The following METTL25 variants were observed in gnomAD, a reference collection of about 807,000 sequenced individuals.
METTL25 encodes the protein methyltransferase like 25.
In METTL25, 64 loss-of-function variants were observed where a neutral mutation model predicts 71.6. The ratio of observed to expected loss-of-function variants is 0.89; its 90% CI spans 0.73 to 1.10. METTL25 has a LOEUF of 1.10. Among genes scored for constraint, METTL25 ranks in the 50% least tolerant of loss-of-function variants. METTL25 has a pLI of 0.00. For synonymous variants in METTL25, 287 were observed against 250.3 expected, an observed-to-expected ratio of 1.15 and a Z score of -1.38; for missense variants, 807 against 707.0, an observed-to-expected ratio of 1.14 and a Z score of -1.60.
chr12:82,388,446 C>T lies in METTL25; in HGVS notation c.425-1370C>T, dbSNP rs1193774919. On this transcript the variant is annotated intron_variant, in intron 2 of 11. Coordinates refer to ENST00000248306, the MANE Select transcript of METTL25 (RefSeq NM_032230.3). ...TAGCTGCAAATGGGTTCACTAGCAA[C>T]GTTACTATGGGGGCTGTAGTCGACT... Among the ~76,000 whole-genome samples, 5 of 152,080 alleles carry T rather than the reference C, an allele frequency of 3.3e-5. No individual in the cohort carries two copies. In the East Asian group the frequency reaches 5.8e-4, roughly 18 times the overall value.
intron 1 of METTL25, among the ~76,000 whole-genome samples, chr12:82,376,887 G>A (rs544187473): frequency 6.6e-5 from 10 of 152,170 alleles, no homozygotes; most frequent in South Asian, 2.1e-4. Flanking sequence ...AGGCCAAGGC[G>A]GGCAGATCAC....
chr12:82,479,050 G>A lies in METTL25; in HGVS notation c.*26G>A. 1 of 1,592,752 alleles carries A rather than the reference G, an allele frequency of 6.3e-7. No homozygotes were observed. Among genetic ancestry groups the A allele is most frequent in the Non-Finnish European group, 8.6e-7 (1 of 1,161,656 alleles). Reference sequence around the variant, plus strand: ...TTTCCATTGAAGCAAATTATTAGATGTATTTCTCTATGAGACCTGTTGCTG... The same window carrying A: ...TTTCCATTGAAGCAAATTATTAGATATATTTCTCTATGAGACCTGTTGCTG... On this transcript the variant is annotated 3_prime_UTR_variant, in exon 12 of 12. Coordinates refer to ENST00000248306, the MANE Select transcript of METTL25 (RefSeq NM_032230.3).
chr12:82,467,095 A>G (rs1344049588), intron 9 of METTL25, among the ~76,000 whole-genome samples: 1 of 151,746 alleles, frequency 6.6e-6, no homozygotes, highest in Non-Finnish European at 1.5e-5. Flanking sequence ...CAGGTGAGGT[A>G]AGTTTCCTAC....
At chr12:82,359,233 T>C (rs1881445085) in intron 1 of METTL25, among the ~76,000 whole-genome samples, 1 of 151,804 alleles carries the variant, frequency 6.6e-6, no homozygotes, top group Non-Finnish European at 1.5e-5. Flanking sequence ...ATAAAAACAG[T>C]GTAATGTGGT....
intron 1 of METTL25, among the ~76,000 whole-genome samples, chr12:82,366,469 G>C (rs1882581813): frequency 6.6e-6 from 1 of 152,134 alleles, no homozygotes; most frequent in Non-Finnish European, 1.5e-5. Flanking sequence ...TATAGAATCA[G>C]TTCCTTTTGG....
rs1881292627 is a variant in METTL25 at position 82,358,652 on chromosome 12, T to C, written c.87T>C (p.Asp29=). ...AGGGACTGCTGCAGTTCCTGAGGGATGCCCTGTCCATTTCCAATGCACATA... is the reference window on the plus strand; with the variant it reads ...AGGGACTGCTGCAGTTCCTGAGGGACGCCCTGTCCATTTCCAATGCACATA... ...KLQGLLQFLR[D]ALSISNAHTV... Residue 29 remains aspartate, a synonymous_variant, in exon 1 of 12, where the codon GAT becomes GAC. Coordinates refer to ENST00000248306, the MANE Select transcript of METTL25 (RefSeq NM_032230.3). 6.2e-7 allele frequency: 1 copy of C among 1,613,998 alleles called. No homozygotes were observed.
intron 5 of METTL25, 21 bp from the exon 6 acceptor site, chr12:82,430,872 G>A (rs931891244): frequency 1.5e-5 from 19 of 1,257,472 alleles, no homozygotes; most frequent in East Asian, 7.2e-5. Flanking sequence ...TAAATAATCC[G>A]TATTTTTCCC....
At chr12:82,429,376 G>GTT (rs60688459) in intron 5 of METTL25, among the ~76,000 whole-genome samples, 7 of 144,154 alleles carry the variant, frequency 4.9e-5, no homozygotes, top group Non-Finnish European at 9.2e-5. Context: ...CAAATGTAGG[G>GTT]TTTTTTTTTT....
intron 5 of METTL25, among the ~76,000 whole-genome samples, chr12:82,405,570 A>G (rs1230088747): frequency 6.6e-6 from 1 of 152,202 alleles, no homozygotes; most frequent in African/African-American, 2.4e-5. Context: ...AATCCATTTT[A>G]AATCAGCTTT....
At chr12:82,427,716 A>G (rs1046233681) in intron 5 of METTL25, among the ~76,000 whole-genome samples, 1 of 151,952 alleles carries the variant, frequency 6.6e-6, no homozygotes, top group Non-Finnish European at 1.5e-5. Flanking sequence ...GAGATGTTTT[A>G]TGGGTATTCC....
intron 8 of METTL25, among the ~76,000 whole-genome samples, chr12:82,447,380 T>A (rs1890832296): frequency 1.3e-5 from 2 of 152,330 alleles, no homozygotes; most frequent in South Asian, 4.1e-4. Flanking sequence ...TGTATTACAT[T>A]CATGTATATA....
chr12:82,401,127 G>A (rs1187937393), intron 4 of METTL25, among the ~76,000 whole-genome samples: 1 of 152,000 alleles, frequency 6.6e-6, no homozygotes, highest in Non-Finnish European at 1.5e-5. Context: ...AGTGCTTGAA[G>A]CAACTGAGTG....
In METTL25 at chr12:82,415,738, C is replaced by T. The variant is rs116649822; in HGVS notation, c.1279+12608C>T. Among the ~76,000 whole-genome samples, 1,501 of 152,236 alleles carry T rather than the reference C, an allele frequency of 9.9e-3. 24 individuals are homozygous for T. Among genetic ancestry groups the T allele is most frequent in the African/African-American group, 0.034 (1,420 of 41,552 alleles). ...CAGACCCTCAATGGGTTTGATGATG[C>T]CCACCCATACTAGGGAGGGCAGTCT... On this transcript the variant is annotated intron_variant, in intron 5 of 11. Transcript: ENST00000248306.
intron 5 of METTL25, chr12:82,407,993 T>A (rs1887234562): frequency 1.0e-6 from 1 of 982,908 alleles, no homozygotes; most frequent in South Asian, 4.7e-5. Flanking sequence ...TATTTCTCAA[T>A]TCTAGCTGCC....
rs574851927 is a variant in METTL25, at chr12:82,478,875, G to A, written c.1720-57G>A. ...TATTACAATATATAATCCAACTCGCGTCTAATTTTTTTCTTCAACAAATGG... is the reference window on the plus strand; with the variant it reads ...TATTACAATATATAATCCAACTCGCATCTAATTTTTTTCTTCAACAAATGG... On this transcript the variant is annotated intron_variant, in intron 11 of 11. Transcript: ENST00000248306. 6.9e-4 allele frequency: 912 copies of A among 1,331,100 alleles called. 1 individual carries two copies. Among genetic ancestry groups the A allele is most frequent in the Non-Finnish European group, 8.6e-4 (805 of 931,126 alleles). 82.5% of individuals were successfully genotyped at this position (1,331,100 alleles called of 1,614,324 possible). A position where few individuals can be genotyped will look rare whatever the true frequency, so the allele number is the denominator to read the frequency against.
chr12:82,418,860 A>C, intron 5 of METTL25, among the ~76,000 whole-genome samples: 1 of 152,130 alleles, frequency 6.6e-6, no homozygotes, highest in Admixed American at 6.6e-5. Flanking sequence ...TTGAAAATGC[A>C]GTTTTATGTG....
intron 5 of METTL25, among the ~76,000 whole-genome samples, chr12:82,425,058 T>C (rs1015058693): frequency 6.6e-6 from 1 of 151,996 alleles, no homozygotes; most frequent in Non-Finnish European, 1.5e-5. Context: ...ACAAGAATTA[T>C]CATTGTGTAT....
At position 82,451,259 on chromosome 12, in the gene METTL25, G is replaced by A. The variant is rs183605929; in HGVS notation, c.1479-5468G>A. On this transcript the variant is annotated intron_variant, in intron 8 of 11. Coordinates refer to ENST00000248306, the MANE Select transcript of METTL25 (RefSeq NM_032230.3). ...ATCCTCCTCTTTAAGACTTAAGTGCGTATTTATATTTTAAAGACTCCTAAT... is the reference window on the plus strand; with the variant it reads ...ATCCTCCTCTTTAAGACTTAAGTGCATATTTATATTTTAAAGACTCCTAAT... The A allele has an allele frequency of 9.1e-5, 88 of 971,748 alleles. 2 individuals are homozygous for A. The East Asian group carries it at 5.4e-3, about 59-fold the overall frequency. 60.2% of individuals were successfully genotyped at this position (971,748 alleles called of 1,614,324 possible).
chr12:82,403,170 G>A (rs753844249), intron 5 of METTL25, 40 bp downstream of exon 5: 1 of 1,562,994 alleles, frequency 6.4e-7, no homozygotes, highest in South Asian at 1.2e-5. Context: ...ATTCATTTGA[G>A]CATAATGAAA....
Sources: allele counts gnomAD v4.1 joint callset (sites outside exome capture counted in the v4.1 genomes callset), GRCh38; gene constraint gnomAD v4.1.1; transcripts MANE v1.5; gene names NCBI Gene and HGNC (gene_info 2026-07-23, HGNC 2026-07-21).